GLT8D2: variants seen among roughly 807,000 people sequenced by gnomAD.
GLT8D2 encodes glycosyltransferase 8 domain-containing protein 2.
In GLT8D2, 45 loss-of-function variants were observed where a neutral mutation model predicts 44.5. The ratio of observed to expected loss-of-function variants is 1.01; its 90% CI spans 0.80 to 1.30. The LOEUF is 1.30. Ranked by LOEUF, GLT8D2 falls within the 50% of genes most tolerant of loss-of-function variation. GLT8D2 has a pLI of 0.00. For synonymous variants in GLT8D2, 156 were observed against 157.2 expected, an observed-to-expected ratio of 0.99 and a Z score of 0.06; for missense variants, 400 against 430.4, an observed-to-expected ratio of 0.93 and a Z score of 0.62.
At chr12:104,044,588 C>T (rs1880888361) in intron 1 of GLT8D2, among the ~76,000 whole-genome samples, 1 of 152,158 alleles carries the variant, frequency 6.6e-6, no homozygotes, top group African/African-American at 2.4e-5. Context: ...TCCTCTTCAA[C>T]TTCTCCCTCC....
chr12:104,043,396 G>A (rs1420988959), intron 1 of GLT8D2, among the ~76,000 whole-genome samples: 1 of 152,124 alleles, frequency 6.6e-6, no homozygotes, highest in Non-Finnish European at 1.5e-5. Flanking sequence ...CCAAAACTGA[G>A]CTTCTGGTAT....
At chr12:104,025,565 C>T (rs1030362199) in intron 1 of GLT8D2, among the ~76,000 whole-genome samples, 45 of 152,126 alleles carry the variant, frequency 3.0e-4, no homozygotes, top group African/African-American at 1.0e-3. Flanking sequence ...TTTGGCCTAA[C>T]CTAAGGTCAT....
At chr12:103,998,287 T>C (rs1873746338) in intron 6 of GLT8D2, among the ~76,000 whole-genome samples, 2 of 151,314 alleles carry the variant, frequency 1.3e-5, no homozygotes, top group Admixed American at 1.3e-4. Context: ...CAGGCTGGAG[T>C]GCAGTGGCAT....
At chr12:104,034,093 TTA>T (rs1247244164) in intron 1 of GLT8D2, among the ~76,000 whole-genome samples, 3 of 152,192 alleles carry the variant, frequency 2.0e-5, no homozygotes, top group African/African-American at 7.2e-5. Context: ...ATCAATAACT[TTA>T]TGTCATTTTA....
intron 4 of GLT8D2, among the ~76,000 whole-genome samples, chr12:104,009,964 T>C (rs1249896563): frequency 6.6e-6 from 1 of 152,158 alleles, no homozygotes; most frequent in Non-Finnish European, 1.5e-5. Context: ...CTTAGGTATG[T>C]CTTTATCAGC....
intron 1 of GLT8D2, among the ~76,000 whole-genome samples, chr12:104,033,748 T>G (rs575664730): frequency 2.6e-5 from 4 of 152,144 alleles, no homozygotes; most frequent in Admixed American, 6.6e-5. Flanking sequence ...ATTAAAACAT[T>G]GTACTCCTTG....
chr12:104,058,263 G>A (rs969968813), intron 1 of GLT8D2, among the ~76,000 whole-genome samples: 20 of 152,206 alleles, frequency 1.3e-4, no homozygotes, highest in Admixed American at 3.9e-4. Context: ...TGTACAGACT[G>A]TGAGTTGGGG....
intron 1 of GLT8D2, among the ~76,000 whole-genome samples, chr12:104,026,205 C>T (rs916136835): frequency 4.8e-5 from 7 of 146,490 alleles, no homozygotes; most frequent in Middle Eastern, 3.5e-3. Context: ...CTTGAACCTG[C>T]GAGAAGGGGG....
intron 1 of GLT8D2, among the ~76,000 whole-genome samples, chr12:104,048,904 T>A (rs1593574765): frequency 6.6e-6 from 1 of 152,204 alleles, no homozygotes; most frequent in East Asian, 1.9e-4. Flanking sequence ...GTGCATGCAG[T>A]TAAACAATTC....
At chr12:104,020,720 A>G (rs766578087) in intron 2 of GLT8D2, among the ~76,000 whole-genome samples, 4 of 152,210 alleles carry the variant, frequency 2.6e-5, no homozygotes, top group Non-Finnish European at 4.4e-5. Flanking sequence ...GGAGGGAAAG[A>G]AGAGCAAGAG....
At chr12:104,002,696 C>T (rs909478509) in intron 5 of GLT8D2, among the ~76,000 whole-genome samples, 1 of 152,132 alleles carries the variant, frequency 6.6e-6, no homozygotes, top group Non-Finnish European at 1.5e-5. Context: ...GTAATCCCAG[C>T]ATTTTGGGAG....
intron 1 of GLT8D2, among the ~76,000 whole-genome samples, chr12:104,025,182 T>G (rs1376173153): frequency 6.6e-6 from 1 of 152,182 alleles, no homozygotes; most frequent in Non-Finnish European, 1.5e-5. Context: ...CAAAAGTATT[T>G]AATTTTGATG....
At chr12:104,026,278 C>CAAAAA in intron 1 of GLT8D2, among the ~76,000 whole-genome samples, 1 of 78,874 alleles carries the variant, frequency 1.3e-5, no homozygotes, top group East Asian at 3.0e-4. Flanking sequence ...GACTCTGTCT[C>CAAAAA]AAAAAAAAAA....
chr12:104,005,381 T>C lies in GLT8D2; in HGVS notation c.113-2075A>G, dbSNP rs992873353. On this transcript the variant is annotated intron_variant, in intron 4 of 10. Coordinates refer to ENST00000360814, the MANE Select transcript of GLT8D2 (RefSeq NM_001384711.1). ...GGCAACAAAAGCCAAAATTGACAAA[T>C]GGGATCTAATTAAACTAAAGAGCTT... Among the ~76,000 whole-genome samples the C allele has an allele frequency of 2.0e-5, 3 of 152,010 alleles. No homozygotes were observed. The South Asian group carries it at 6.2e-4, about 31-fold the overall frequency.
At chr12:103,997,606 G>A in intron 6 of GLT8D2, 71 bp from the exon 7 acceptor site, 1 of 1,099,884 alleles carries the variant, frequency 9.1e-7, no homozygotes, top group Non-Finnish European at 1.4e-6. Flanking sequence ...GGGTACTGGA[G>A]AGTCGGCTTT....
intron 4 of GLT8D2, among the ~76,000 whole-genome samples, chr12:104,009,751 G>T (rs879581291): frequency 6.6e-6 from 1 of 152,154 alleles, no homozygotes; most frequent in Non-Finnish European, 1.5e-5. Flanking sequence ...GTGAATCATG[G>T]GGATGGTTTC....
intron 1 of GLT8D2, chr12:104,030,664 A>T (rs1879132614): frequency 6.8e-7 from 1 of 1,478,252 alleles, no homozygotes; most frequent in Non-Finnish European, 9.2e-7. Context: ...TATCCAAAAT[A>T]TATAAGAAAC....
At chr12:104,012,186 A>T (rs1375522290) in intron 4 of GLT8D2, among the ~76,000 whole-genome samples, 1 of 85,622 alleles carries the variant, frequency 1.2e-5, no homozygotes, top group Non-Finnish European at 2.4e-5. Context: ...AAAAAAAAAA[A>T]AAAATATATA....
At chr12:104,024,949 A>G (rs1878368207) in intron 1 of GLT8D2, among the ~76,000 whole-genome samples, 1 of 151,646 alleles carries the variant, frequency 6.6e-6, no homozygotes, top group African/African-American at 2.4e-5. Context: ...GCAGGTCTGC[A>G]ATCCCAGCTA....
Sources: gnomAD v4.1 joint callset for allele counts (sites outside exome capture counted in the v4.1 genomes callset) on GRCh38, gnomAD v4.1.1 for gene constraint, MANE v1.5 for transcripts, NCBI Gene and HGNC (gene_info 2026-07-23, HGNC 2026-07-21) for gene names.